Variants in CPEB4 observed in about 807,000 individuals in gnomAD.
CPEB4 encodes the protein cytoplasmic polyadenylation element-binding protein 4.
In CPEB4, 12 loss-of-function variants were observed where a neutral mutation model predicts 72.5. The observed-to-expected ratio is 0.17, with a 90% CI of 0.11 to 0.27. The LOEUF (loss-of-function observed/expected upper bound fraction) is 0.27. CPEB4 is among the 10% of genes least tolerant of loss of function. The probability of loss-of-function intolerance (pLI) is 1.00; values close to 1 mark genes in which losing one functional copy is unlikely to be tolerated. For synonymous variants in CPEB4, 302 were observed against 326.3 expected, an observed-to-expected ratio of 0.93 and a Z score of 0.80; for missense variants, 614 against 908.5, an observed-to-expected ratio of 0.68 and a Z score of 4.17.
chr5:173,941,451 G>C (rs1757837415), intron 3 of CPEB4, among the ~76,000 whole-genome samples: 1 of 152,192 alleles, frequency 6.6e-6, no homozygotes, highest in Non-Finnish European at 1.5e-5. Flanking sequence ...ATTTTGGTTT[G>C]AGATATAATT....
Position 173,960,029 on chromosome 5 carries a change from G to A in CPEB4, c.*3892G>A, listed in dbSNP as rs894881407. The A allele has an allele frequency of 1.3e-5, 2 of 152,518 alleles. No individual in the cohort carries two copies. Among genetic ancestry groups the A allele is most frequent in the East Asian group, 3.8e-4 (2 of 5,330 alleles). 9.4% of individuals were successfully genotyped at this position (152,518 alleles called of 1,614,324 possible). A position where few individuals can be genotyped will look rare whatever the true frequency, so the allele number is the denominator to read the frequency against. The stretch of plus-strand genomic sequence containing the variant: ...TACTACTTGGCTGAATTTCCATATA[G>A]TTTTTACTGTGTATGGGGAGGTTGT... On this transcript the variant is annotated 3_prime_UTR_variant, in exon 10 of 10. Transcript: ENST00000265085.
chr5:173,914,835 A>G (rs1756807162), intron 2 of CPEB4, among the ~76,000 whole-genome samples: 1 of 152,188 alleles, frequency 6.6e-6, no homozygotes, highest in Non-Finnish European at 1.5e-5. Context: ...AAAAAAATTA[A>G]AAGATTTGAT....
At chr5:173,915,385 C>T (rs1437459096) in intron 2 of CPEB4, among the ~76,000 whole-genome samples, 7 of 151,998 alleles carry the variant, frequency 4.6e-5, no homozygotes, top group East Asian at 1.9e-4. Context: ...GCTCTTTGTG[C>T]GGTGGGGAAA....
chr5:173,905,101 G>T (rs1039722261), intron 1 of CPEB4, among the ~76,000 whole-genome samples: 24 of 151,748 alleles, frequency 1.6e-4, no homozygotes, highest in African/African-American at 5.8e-4. Flanking sequence ...CTTAGTAGAT[G>T]CTCAATAAAG....
intron 1 of CPEB4, among the ~76,000 whole-genome samples, chr5:173,896,732 T>C (rs1756028575): frequency 6.6e-6 from 1 of 152,208 alleles, no homozygotes; most frequent in African/African-American, 2.4e-5. Flanking sequence ...CTTGAGTAAA[T>C]CTTTTAAATT....
At chr5:173,922,308 G>A (rs925517109) in intron 2 of CPEB4, among the ~76,000 whole-genome samples, 1 of 152,030 alleles carries the variant, frequency 6.6e-6, no homozygotes, top group Non-Finnish European at 1.5e-5. Context: ...TTGGCTCACT[G>A]CAGCCTCCGC....
intron 2 of CPEB4, among the ~76,000 whole-genome samples, chr5:173,931,172 C>A (rs1433959316): frequency 6.6e-6 from 1 of 152,086 alleles, no homozygotes; most frequent in Non-Finnish European, 1.5e-5. Flanking sequence ...CATTGAAGAC[C>A]TTAAGTTCCT....
Position 173,910,537 on chromosome 5 carries a change from A to G in CPEB4, c.1140A>G (p.Thr380=), listed in dbSNP as rs1376727287. ...NIFPFPDRPR[T]FDMHSLESSL... is the part of the protein sequence containing the mutation. ...TGTGTCTACAGGATCGCCCCAGGAC[A>G]TTCGACATGCACTCACTGGAGAGTT... Residue 380 remains threonine (T), a synonymous_variant, in exon 2 of 10, where the codon ACA becomes ACG. Transcript: ENST00000265085. 6.2e-7 allele frequency: 1 copy of G among 1,613,560 alleles called. No homozygotes were observed. The highest frequency in any genetic ancestry group is 1.7e-5 in the Admixed American group (1 of 60,008).
intron 3 of CPEB4, among the ~76,000 whole-genome samples, chr5:173,940,166 T>C (rs761156026): frequency 3.3e-5 from 5 of 152,068 alleles, no homozygotes; most frequent in Non-Finnish European, 7.4e-5. Flanking sequence ...TAAATCGTAA[T>C]CATTTAAACT....
intron 2 of CPEB4, among the ~76,000 whole-genome samples, chr5:173,914,908 T>G (rs1230005835): frequency 6.6e-6 from 1 of 152,222 alleles, no homozygotes. Flanking sequence ...CATAAAAAAT[T>G]ATGAATGACC....
In CPEB4 at chr5:173,957,037, A is replaced by G. The variant is rs915159393; in HGVS notation, c.*900A>G. On this transcript the variant is annotated 3_prime_UTR_variant, in exon 10 of 10. Coordinates refer to ENST00000265085, the MANE Select transcript of CPEB4 (RefSeq NM_030627.4). The stretch of plus-strand genomic sequence containing the variant: ...TAGCATTTCCTCTCCTGAAGAATAA[A>G]TGTATAAATGTTATTTTTGATGTTT... 6 of 152,760 alleles carry G rather than the reference A, an allele frequency of 3.9e-5. No individual in the cohort carries two copies. Among genetic ancestry groups the G allele is most frequent in the Admixed American group, 3.9e-4 (6 of 15,298 alleles). The allele number at this position is 152,760 out of a possible 1,614,324, so 9.5% of individuals were successfully genotyped here.
rs551923684 is a variant in CPEB4 at position 173,949,271 on chromosome 5, G to T, written c.1457-237G>T. ...AAAAAGATGCTGGCTGGCTGGCTTG[G>T]TTGGATGGCTAGATTGATTTGTGCA... On this transcript the variant is annotated intron_variant, in intron 5 of 9. Transcript: ENST00000265085. Among the ~76,000 whole-genome samples, 220 of 152,252 alleles carry T rather than the reference G, an allele frequency of 1.4e-3. 1 individual carries two copies. The highest frequency in any genetic ancestry group is 0.01 in the Middle Eastern group (3 of 294).
chr5:173,922,308 G>T (rs925517109), intron 2 of CPEB4, among the ~76,000 whole-genome samples: 1 of 152,030 alleles, frequency 6.6e-6, no homozygotes. Flanking sequence ...TTGGCTCACT[G>T]CAGCCTCCGC....
At chr5:173,951,739 A>G in intron 7 of CPEB4, 85 bp from the exon 8 acceptor site, 2 of 784,902 alleles carry the variant, frequency 2.5e-6, no homozygotes, top group Non-Finnish European at 4.5e-6. Context: ...ATTGCTTTTA[A>G]AAATACTTTG....
intron 2 of CPEB4, among the ~76,000 whole-genome samples, chr5:173,914,932 T>C (rs1248117565): frequency 6.6e-6 from 1 of 152,160 alleles, no homozygotes; most frequent in East Asian, 1.9e-4. Flanking sequence ...TTTATTTTTC[T>C]CTTTCATTTC....
rs1758372084 is a variant in CPEB4, at chr5:173,956,204, TCCTC to T, written c.*68_*71del. ...CACTCTTCTGTTCATTCTGACCCCT[TCCTC>T]AACCTCTTCACGCTGGCATGTCCTT... On this transcript the variant is annotated 3_prime_UTR_variant, in exon 10 of 10. Coordinates refer to ENST00000265085, the MANE Select transcript of CPEB4 (RefSeq NM_030627.4). The T allele has an allele frequency of 3.2e-6, 4 of 1,239,660 alleles. No individual in the cohort carries two copies. The highest frequency in any genetic ancestry group is 1.7e-5 in the Admixed American group (1 of 57,158). 76.8% of individuals were successfully genotyped at this position (1,239,660 alleles called of 1,614,324 possible).
At chr5:173,949,842 G>C in intron 6 of CPEB4, 118 bp from the exon 7 acceptor site, 1 of 800,866 alleles carries the variant, frequency 1.2e-6, no homozygotes, top group Non-Finnish European at 2.1e-6. Context: ...TATAAATATT[G>C]TTTTAATTTT....
In CPEB4 at chr5:173,888,382, G is replaced by C; in HGVS notation, c.-1352G>C. 1 of 447,752 alleles carries C rather than the reference G, an allele frequency of 2.2e-6. No homozygotes were observed. Among genetic ancestry groups the C allele is most frequent in the South Asian group, 5.9e-5 (1 of 16,852 alleles). 27.7% of individuals were successfully genotyped at this position (447,752 alleles called of 1,614,324 possible). On this transcript the variant is annotated 5_prime_UTR_variant, in exon 1 of 10. Coordinates refer to ENST00000265085, the MANE Select transcript of CPEB4 (RefSeq NM_030627.4). This position sits in a 1 kb window ranked among gnomAD's most constrained non-coding sequence, Gnocchi z 4.3. Reference sequence around the variant, plus strand: ...CGGTCCTGAGGAGAAGGACTCAGCCGCGGCTGCGGGACCCGGGCACCGGGA... The same window carrying C: ...CGGTCCTGAGGAGAAGGACTCAGCCCCGGCTGCGGGACCCGGGCACCGGGA...
chr5:173,910,727 A>G (rs912466415), intron 2 of CPEB4, 123 bp downstream of exon 2: 8 of 661,792 alleles, frequency 1.2e-5, no homozygotes, highest in African/African-American at 1.1e-4. Context: ...AGTTCTATCA[A>G]TTTTACACAT....
Sources: allele counts gnomAD v4.1 joint callset (sites outside exome capture counted in the v4.1 genomes callset), GRCh38; gene constraint gnomAD v4.1.1; non-coding constraint Gnocchi (gnomAD v3.1); transcripts MANE v1.5; gene names NCBI Gene and HGNC (gene_info 2026-07-23, HGNC 2026-07-21).